PLD5: variants seen among roughly 807,000 people sequenced by gnomAD.
PLD5 encodes the protein phospholipase D family member 5.
A neutral mutation model predicts 61.1 loss-of-function variants in PLD5; 36 were observed. The observed-to-expected ratio is 0.59, with a 90% CI of 0.45 to 0.78. The LOEUF is 0.78. Ranked by LOEUF, PLD5 falls within the 30% of genes least tolerant of loss-of-function variation. The pLI, the probability that PLD5 is intolerant of heterozygous loss-of-function variation, is 0.00. For missense variants in PLD5, 515 were observed against 644.4 expected, an observed-to-expected ratio of 0.80 and a Z score of 2.17; for synonymous variants, 243 against 242.8, an observed-to-expected ratio of 1.00 and a Z score of -0.01.
At chr1:242,103,440 C>T (rs1172772239) in intron 8 of PLD5, among the ~76,000 whole-genome samples, 1 of 152,200 alleles carries the variant, frequency 6.6e-6, no homozygotes, top group Non-Finnish European at 1.5e-5. Flanking sequence ...AAAACTCCAC[C>T]AAGCGTCATG....
At position 242,409,939 on chromosome 1, in the gene PLD5, C is replaced by T. The variant is rs190323449; in HGVS notation, c.190-61697G>A. On this transcript the variant is annotated intron_variant, in intron 1 of 9. Transcript: ENST00000536534. The stretch of plus-strand genomic sequence containing the variant: ...CCCACACTTGTGTATCAAAGGTTGC[C>T]GGCCGGCTAGAGCTGGGGCTTTCCT... Among the ~76,000 whole-genome samples the T allele has an allele frequency of 3.3e-3, 501 of 152,240 alleles. 3 individuals carry two copies. Among genetic ancestry groups the T allele is most frequent in the African/African-American group, 0.011 (470 of 41,522 alleles).
At chr1:242,446,829 A>G (rs1572170253) in intron 1 of PLD5, among the ~76,000 whole-genome samples, 1 of 152,190 alleles carries the variant, frequency 6.6e-6, no homozygotes, top group Non-Finnish European at 1.5e-5. Flanking sequence ...ACTTGTTGTC[A>G]GGCACCCATC....
chr1:242,195,864 G>T (rs1213196564), intron 5 of PLD5, among the ~76,000 whole-genome samples: 1 of 152,182 alleles, frequency 6.6e-6, no homozygotes, highest in Non-Finnish European at 1.5e-5. Flanking sequence ...TTTAGAAATG[G>T]ATAAATAAGG....
chr1:242,406,881 A>C (rs1664259889), intron 1 of PLD5, among the ~76,000 whole-genome samples: 1 of 152,222 alleles, frequency 6.6e-6, no homozygotes, highest in Non-Finnish European at 1.5e-5. Flanking sequence ...GGACTTTCAA[A>C]TTGGAACAGG....
chr1:242,481,294 G>A (rs1255739236), intron 1 of PLD5, among the ~76,000 whole-genome samples: 1 of 152,200 alleles, frequency 6.6e-6, no homozygotes, highest in Non-Finnish European at 1.5e-5. Context: ...AGGGGTCAGG[G>A]AATTCCCTTT....
chr1:242,509,398 T>C (rs992351091), intron 1 of PLD5, among the ~76,000 whole-genome samples: 1 of 152,152 alleles, frequency 6.6e-6, no homozygotes, highest in Non-Finnish European at 1.5e-5. Context: ...ATAAATGCCA[T>C]AGAGGGTAAA....
chr1:242,220,882 A>G (rs12031460), intron 4 of PLD5, among the ~76,000 whole-genome samples: 46,056 of 151,800 alleles, frequency 0.3, 7,279 homozygotes, highest in East Asian at 0.53. Context: ...GATTACAGGC[A>G]TGTGCCACTA....
intron 2 of PLD5, among the ~76,000 whole-genome samples, chr1:242,325,645 A>G (rs186153573): frequency 6.6e-6 from 1 of 152,176 alleles, no homozygotes; most frequent in African/African-American, 2.4e-5. Flanking sequence ...CATGCTGGCA[A>G]GCATGGACTC....
rs1307451284 is a variant in PLD5, at chr1:242,238,846, G to T, written c.608-18731C>A. Among the ~76,000 whole-genome samples, 4 of 152,150 alleles carry T rather than the reference G, an allele frequency of 2.6e-5. No individual in the cohort carries two copies. The East Asian group carries it at 7.7e-4, about 29-fold the overall frequency. On this transcript the variant is annotated intron_variant, in intron 4 of 9. Transcript: ENST00000536534. ...TAGCAGGGACCTCAGGGAGAGTGGT[G>T]GGAGCCATAGCAGGCTTTCGTTAAA...
chr1:242,111,984 A>C (rs1001243679), intron 7 of PLD5, among the ~76,000 whole-genome samples: 1 of 152,098 alleles, frequency 6.6e-6, no homozygotes, highest in African/African-American at 2.4e-5. Flanking sequence ...TTACCTCTTG[A>C]CCAGGAAGAA....
rs544625920 is a variant in PLD5, at chr1:242,256,004, C to T, written c.607+9333G>A. Among the ~76,000 whole-genome samples the T allele has an allele frequency of 4.0e-4, 61 of 152,304 alleles. No individual in the cohort carries two copies. Among genetic ancestry groups the T allele is most frequent in the Non-Finnish European group, 5.1e-4 (35 of 68,034 alleles). ...CGTAACCCAAATGACCTAAAGATGC[C>T]CAGCCAGGGCTTATTAGGTCCCTGT... On this transcript the variant is annotated intron_variant, in intron 4 of 9. Transcript: ENST00000536534. This position sits in a 1 kb window ranked among gnomAD's most constrained non-coding sequence, Gnocchi z 5.7.
At chr1:242,503,501 G>A (rs1216632354) in intron 1 of PLD5, among the ~76,000 whole-genome samples, 1 of 152,060 alleles carries the variant, frequency 6.6e-6, no homozygotes, top group Non-Finnish European at 1.5e-5. Context: ...TTTCTTTATA[G>A]CAATGCAAAA....
chr1:242,509,755 G>A (rs1572267448), intron 1 of PLD5, among the ~76,000 whole-genome samples: 1 of 152,126 alleles, frequency 6.6e-6, no homozygotes, highest in Admixed American at 6.5e-5. Context: ...ATACACTTAT[G>A]AATAAGCCAC....
intron 1 of PLD5, among the ~76,000 whole-genome samples, chr1:242,503,770 G>A (rs914865113): frequency 6.6e-6 from 1 of 152,132 alleles, no homozygotes; most frequent in African/African-American, 2.4e-5. Context: ...GCTCTCTTTT[G>A]GCCTTTGAAT....
chr1:242,158,262 C>A (rs771051584), intron 5 of PLD5, among the ~76,000 whole-genome samples: 1 of 152,134 alleles, frequency 6.6e-6, no homozygotes. Context: ...GGTGTGGGAC[C>A]CGCTGAACCA....
At chr1:242,432,570 T>C (rs115275091) in intron 1 of PLD5, among the ~76,000 whole-genome samples, 5,232 of 152,324 alleles carry the variant, frequency 0.034, 289 homozygotes, top group African/African-American at 0.11. Context: ...CTGAGACCTT[T>C]ATCCACAAGA....
chr1:242,238,312 T>C (rs1003550724), intron 4 of PLD5, among the ~76,000 whole-genome samples: 2 of 152,176 alleles, frequency 1.3e-5, no homozygotes, highest in Non-Finnish European at 2.9e-5. Context: ...TCGGGATCTG[T>C]GGCATGAAAC....
At chr1:242,137,412 T>A (rs1663821592) in intron 5 of PLD5, among the ~76,000 whole-genome samples, 1 of 152,214 alleles carries the variant, frequency 6.6e-6, no homozygotes, top group Non-Finnish European at 1.5e-5. Context: ...ACCGTCTTGG[T>A]AAATTCTTTT....
At chr1:242,167,900 A>G (rs575496213) in intron 5 of PLD5, among the ~76,000 whole-genome samples, 1 of 152,360 alleles carries the variant, frequency 6.6e-6, no homozygotes, top group East Asian at 1.9e-4. Flanking sequence ...ATGTGTTTAC[A>G]TTGCTGCATA....
Sources: gnomAD v4.1 joint callset for allele counts (sites outside exome capture counted in the v4.1 genomes callset) on GRCh38, gnomAD v4.1.1 for gene constraint, Gnocchi (gnomAD v3.1) non-coding constraint, MANE v1.5 for transcripts, NCBI Gene and HGNC (gene_info 2026-07-23, HGNC 2026-07-21) for gene names.